Variants in GYS2 observed in about 807,000 individuals in gnomAD.
GYS2 encodes glycogen [starch] synthase, liver.
A neutral mutation model predicts 85.6 loss-of-function variants in GYS2; 80 were observed. The observed-to-expected ratio is 0.93, with a 90% confidence interval of 0.78 to 1.13. The LOEUF is 1.13. Among genes scored for constraint, GYS2 ranks in the 50% most tolerant of loss-of-function variants. The pLI, the probability that GYS2 is intolerant of heterozygous loss-of-function variation, is 0.00. For synonymous variants in GYS2, 328 were observed against 300.7 expected (o/e 1.09, Z -0.94); for missense variants, 881 against 854.9 (o/e 1.03, Z -0.38).
Position 21,566,992 on chromosome 12 carries a change from GA to G in GYS2, c.823+1872del, listed in dbSNP as rs1022385010. On this transcript the variant is annotated intron_variant, in intron 5 of 15. Transcript: ENST00000261195. ...AGTAGAAAAATGATTAGAGGCACCAGAAAAGATTATACTGGAAAGAAAGTAG... is the reference window on the plus strand; with the variant it reads ...AGTAGAAAAATGATTAGAGGCACCAGAAAGATTATACTGGAAAGAAAGTAG... 6.6e-5 allele frequency among the ~76,000 whole-genome samples: 10 copies of G among 152,190 alleles called. No homozygotes were observed. The East Asian group carries it at 1.7e-3, about 26-fold the overall frequency.
chr12:21,558,337 T>G, intron 10 of GYS2, 24 bp from the exon 11 acceptor site: 1 of 1,412,176 alleles, frequency 7.1e-7, no homozygotes, highest in Non-Finnish European at 1.0e-6. Context: ...GGGAAGGAAA[T>G]ATCAATTGCG....
rs1944788532 is a variant in GYS2, at chr12:21,604,731, T to C, written c.-139A>G. 1 of 1,498,618 alleles carries C rather than the reference T, an allele frequency of 6.7e-7. No individual in the cohort carries two copies. The highest frequency in any genetic ancestry group is 8.9e-7 in the Non-Finnish European group (1 of 1,118,856). The allele number at this position is 1,498,618 out of a possible 1,614,324, so 92.8% of individuals were successfully genotyped here. A position where few individuals can be genotyped will look rare whatever the true frequency, so the allele number is the denominator to read the frequency against. On this transcript the variant is annotated 5_prime_UTR_variant, in exon 1 of 16. Transcript: ENST00000261195. ...GTAGCTTCTCTTGGGAATAAACTAG[T>C]AGCATGAAATCTTATGTGCTTCCCA...
rs1404051681 is a variant in GYS2, at chr12:21,563,218, A to G, written c.941+10T>C. 6.7e-7 allele frequency: 1 copy of G among 1,498,782 alleles called. No individual in the cohort carries two copies. Among genetic ancestry groups the G allele is most frequent in the African/African-American group, 1.4e-5 (1 of 72,786 alleles). The allele number at this position is 1,498,782 out of a possible 1,614,324, so 92.8% of individuals were successfully genotyped here. On this transcript the variant is annotated intron_variant, in intron 6 of 15. Coordinates refer to ENST00000261195, the MANE Select transcript of GYS2 (RefSeq NM_021957.4). ...ATACTTCTTTTTCTTTTTAATAAAG[A>G]AAATCATACCCATAGAAATGACCTC...
At position 21,563,334 on chromosome 12, in the gene GYS2, G is replaced by C. The variant is rs977562944; in HGVS notation, c.835C>G (p.Pro279Ala). The C allele has an allele frequency of 1.9e-6, 3 of 1,567,824 alleles. No homozygotes were observed. Among genetic ancestry groups the C allele is most frequent in the Non-Finnish European group, 2.6e-6 (3 of 1,137,966 alleles). The change falls in exon 6 of 16, where the codon CCA becomes GCA. Residue 279 changes from proline (P) to alanine (A), a missense_variant. Physicochemically the swap from Pro to Ala is conservative, Grantham distance 27. Coordinates refer to ENST00000261195, the MANE Select transcript of GYS2 (RefSeq NM_021957.4). The stretch of plus-strand genomic sequence containing the variant: ...AATTTCTTAACATTCAAGCCGTTTG[G>C]AGTAACTACATCTAGAAAGGCAAAA... ...MLKRKPDVVT[P>A]NGLNVKKFSA...
intron 1 of GYS2, among the ~76,000 whole-genome samples, chr12:21,593,965 A>G (rs184680821): frequency 6.6e-6 from 1 of 152,314 alleles, no homozygotes; most frequent in Admixed American, 6.5e-5. Context: ...AAATCAATAA[A>G]TGTGATACAT....
chr12:21,601,535 G>C (rs1286169914), intron 1 of GYS2, among the ~76,000 whole-genome samples: 4 of 152,008 alleles, frequency 2.6e-5, no homozygotes. Context: ...CTCTCACATA[G>C]AACGCTTTCT....
rs1196148835 is a variant in GYS2 at position 21,568,845 on chromosome 12, G to A, written c.823+20C>T. 1.9e-6 allele frequency: 3 copies of A among 1,601,034 alleles called. No individual in the cohort carries two copies. Among genetic ancestry groups the A allele is most frequent in the Non-Finnish European group, 2.6e-6 (3 of 1,168,212 alleles). ...CATCATTCGGAACTGAAAGATAGGTGATCCAGGGATAATAATTACCAGGCT... is the reference window on the plus strand; with the variant it reads ...CATCATTCGGAACTGAAAGATAGGTAATCCAGGGATAATAATTACCAGGCT... On this transcript the variant is annotated intron_variant, in intron 5 of 15. Transcript: ENST00000261195.
intron 12 of GYS2, among the ~76,000 whole-genome samples, chr12:21,543,769 T>C (rs1014146247): frequency 1.3e-5 from 2 of 152,128 alleles, no homozygotes; most frequent in African/African-American, 4.8e-5. Flanking sequence ...CAGGCCCCGA[T>C]GTGTGATGTT....
rs761590461 is a variant in GYS2, at chr12:21,546,400, C to T, written c.1493G>A (p.Arg498Lys). The T allele has an allele frequency of 2.5e-6, 4 of 1,598,802 alleles. No homozygotes were observed. The highest frequency in any genetic ancestry group is 3.3e-5 in the Admixed American group (2 of 59,898). The change falls in exon 12 of 16, where the codon AGA becomes AAA. Residue 498 changes from arginine to lysine, a missense_variant. Coordinates refer to ENST00000261195, the MANE Select transcript of GYS2 (RefSeq NM_021957.4). ...TGGAAATACTCCAAGATGACAACCT[C>T]TAACAAACTCTTCATAGTCCATGGG... Reference protein sequence around the residue: ...LLPMDYEEFVRGCHLGVFPSY... With the variant: ...LLPMDYEEFVKGCHLGVFPSY...
At chr12:21,535,380 G>T (rs1943901371), downstream of GYS2, among the ~76,000 whole-genome samples, 1 of 152,114 alleles carries the variant, frequency 6.6e-6, no homozygotes, top group South Asian at 2.1e-4. Flanking sequence ...CAGGGAATGA[G>T]CCTATAATAT....
intron 1 of GYS2, among the ~76,000 whole-genome samples, chr12:21,599,806 T>C (rs1394735771): frequency 6.6e-6 from 1 of 152,186 alleles, no homozygotes; most frequent in Admixed American, 6.6e-5. Flanking sequence ...AAAGCTGGTA[T>C]GACAATACAT....
In GYS2 at chr12:21,546,441, G is replaced by A. The variant is rs142418217; in HGVS notation, c.1452C>T (p.Ser484=). 21 of 1,596,020 alleles carry A rather than the reference G, an allele frequency of 1.3e-5. No individual in the cohort carries two copies. Among genetic ancestry groups the A allele is most frequent in the Non-Finnish European group, 1.8e-5 (21 of 1,165,230 alleles). ...AGTCCATGGGTAGTAAGGGACTGGT[G>A]GAGGATAGAAACTCTGGGTGCAAAA... ...KVILHPEFLS[S]TSPLLPMDYE... The change falls in exon 12 of 16, where the codon TCC becomes TCT. Residue 484 remains serine, a synonymous_variant. Coordinates refer to ENST00000261195, the MANE Select transcript of GYS2 (RefSeq NM_021957.4).
intron 1 of GYS2, among the ~76,000 whole-genome samples, chr12:21,593,232 A>G (rs1048316903): frequency 1.4e-4 from 21 of 151,906 alleles, no homozygotes; most frequent in African/African-American, 4.8e-4. Flanking sequence ...TAGAAAAGCA[A>G]GAACAAAACC....
chr12:21,557,714 A>AAGC (rs1944198067), intron 11 of GYS2, among the ~76,000 whole-genome samples: 1 of 152,150 alleles, frequency 6.6e-6, no homozygotes, highest in Non-Finnish European at 1.5e-5. Flanking sequence ...CCTGGCTTAC[A>AAGC]TGGTGAAACC....
intron 13 of GYS2, among the ~76,000 whole-genome samples, chr12:21,541,697 C>G (rs986416847): frequency 6.6e-6 from 1 of 151,906 alleles, no homozygotes; most frequent in African/African-American, 2.4e-5. Context: ...TTTAAAGCTA[C>G]TTTTTTTTCT....
intron 14 of GYS2, among the ~76,000 whole-genome samples, chr12:21,540,158 T>G (rs902862770): frequency 2.6e-5 from 4 of 152,218 alleles, no homozygotes; most frequent in Admixed American, 6.5e-5. Flanking sequence ...AGTGAGGCAC[T>G]GACAATGGAA....
chr12:21,564,098 C>T (rs898165862), intron 5 of GYS2, among the ~76,000 whole-genome samples: 3 of 151,930 alleles, frequency 2.0e-5, no homozygotes, highest in Non-Finnish European at 4.4e-5. Flanking sequence ...GAGCATATGA[C>T]GGAAACTACC....
intron 7 of GYS2, 149 bp downstream of exon 7, chr12:21,562,769 T>A: frequency 1.4e-6 from 1 of 703,876 alleles, no homozygotes; most frequent in Non-Finnish European, 2.4e-6. Context: ...GTAACTCCAA[T>A]ATGTAAATTG....
At chr12:21,554,916 G>A (rs1944160124) in intron 11 of GYS2, among the ~76,000 whole-genome samples, 1 of 152,160 alleles carries the variant, frequency 6.6e-6, no homozygotes, top group Admixed American at 6.5e-5. Context: ...CAATTTCAAT[G>A]AACCTTCCAG....
Sources: gnomAD v4.1 joint callset for allele counts (sites outside exome capture counted in the v4.1 genomes callset) on GRCh38, gnomAD v4.1.1 for gene constraint, MANE v1.5 for transcripts, NCBI Gene and HGNC (gene_info 2026-07-23, HGNC 2026-07-21) for gene names.